UVRAG: variants seen among roughly 807,000 people sequenced by gnomAD.
UVRAG encodes UV radiation resistance-associated gene protein.
UVRAG carries 19 observed loss-of-function variants against 78.0 expected under a neutral mutation model. That is an observed-to-expected ratio of 0.24 (90% CI 0.17 to 0.36). UVRAG has a LOEUF of 0.36. Ranked by LOEUF, UVRAG falls within the 10% of genes least tolerant of loss-of-function variation. UVRAG has a pLI of 1.00. For missense variants in UVRAG, 740 were observed against 853.8 expected, an observed-to-expected ratio of 0.87 and a Z score of 1.66; for synonymous variants, 323 against 324.6, an observed-to-expected ratio of 1.00 and a Z score of 0.05.
chr11:76,008,945 G>T, intron 11 of UVRAG, 78 bp downstream of exon 11: 1 of 875,434 alleles, frequency 1.1e-6, no homozygotes, highest in Non-Finnish European at 1.7e-6. Flanking sequence ...TGGTTGCCTA[G>T]CACTTTATCC....
chr11:76,085,089 AT>A (rs1482675396), intron 13 of UVRAG, among the ~76,000 whole-genome samples: 7 of 148,242 alleles, frequency 4.7e-5, no homozygotes, highest in African/African-American at 1.3e-4. Flanking sequence ...AAAAAAAAAA[AT>A]CTAATTGTTC....
At chr11:76,020,173 G>A (rs764944716) in intron 12 of UVRAG, among the ~76,000 whole-genome samples, 1 of 152,212 alleles carries the variant, frequency 6.6e-6, no homozygotes, top group South Asian at 2.1e-4. Context: ...AGGCTCAAGG[G>A]CTCTTCAGTT....
At chr11:76,026,971 GA>G (rs879294960) in intron 12 of UVRAG, among the ~76,000 whole-genome samples, 20 of 142,652 alleles carry the variant, frequency 1.4e-4, no homozygotes, top group South Asian at 2.2e-4. Flanking sequence ...AAATCAAGGT[GA>G]AAAAAAAAAA....
intron 13 of UVRAG, among the ~76,000 whole-genome samples, chr11:76,105,628 T>C (rs1434529560): frequency 1.3e-5 from 2 of 151,886 alleles, no homozygotes; most frequent in African/African-American, 2.4e-5. Context: ...CACACGCCTG[T>C]AGTCCCAACT....
intron 12 of UVRAG, among the ~76,000 whole-genome samples, chr11:76,032,840 C>G (rs755193710): frequency 6.6e-6 from 1 of 152,140 alleles, no homozygotes; most frequent in Non-Finnish European, 1.5e-5. Context: ...TCTCACCTTG[C>G]CTCATAAGTG....
intron 2 of UVRAG, among the ~76,000 whole-genome samples, chr11:75,858,753 T>C (rs1420544689): frequency 6.6e-6 from 1 of 152,218 alleles, no homozygotes; most frequent in Non-Finnish European, 1.5e-5. Flanking sequence ...ACCAAGCCTA[T>C]GCAAACTTTT....
chr11:76,120,859 T>C (rs1281191422), intron 14 of UVRAG, among the ~76,000 whole-genome samples: 1 of 152,172 alleles, frequency 6.6e-6, no homozygotes, highest in East Asian at 1.9e-4. Flanking sequence ...GAGTTACCTC[T>C]CAAGCCTGTG....
At chr11:75,877,103 G>A (rs1025739636) in intron 3 of UVRAG, among the ~76,000 whole-genome samples, 8 of 151,508 alleles carry the variant, frequency 5.3e-5, no homozygotes, top group Non-Finnish European at 8.8e-5. Flanking sequence ...ATCTTGCACC[G>A]CCCTTAATCC....
intron 1 of UVRAG, among the ~76,000 whole-genome samples, chr11:75,842,315 C>T (rs755089773): frequency 1.3e-5 from 2 of 152,136 alleles, no homozygotes; most frequent in East Asian, 1.9e-4. Context: ...AAACTGCAGT[C>T]GGTCACAAGG....
intron 8 of UVRAG, among the ~76,000 whole-genome samples, chr11:75,992,420 A>C (rs1949625924): frequency 6.6e-6 from 1 of 152,190 alleles, no homozygotes; most frequent in Non-Finnish European, 1.5e-5. Context: ...TTTTGAGATG[A>C]GAATTACTTT....
rs116653837 is a variant in UVRAG at position 76,082,143 on chromosome 11, G to A, written c.1305+16355G>A. Among the ~76,000 whole-genome samples the A allele has an allele frequency of 8.8e-3, 1,333 of 152,224 alleles. 9 individuals carry two copies. The highest frequency in any genetic ancestry group is 0.024 in the African/African-American group (1,002 of 41,526). ...ACCAGCAGCATTGTATTTCTTGACC[G>A]AGTGGTGGTAACACAGGGGTTTGCT... On this transcript the variant is annotated intron_variant, in intron 13 of 14. Coordinates refer to ENST00000356136, the MANE Select transcript of UVRAG (RefSeq NM_003369.4).
Position 75,987,022 on chromosome 11 carries a change from G to A in UVRAG, c.826+3509G>A, listed in dbSNP as rs1196667920. ...CACTCATCAGTTGTTGGACATTTGG[G>A]TTGTTTCCGCTTTCTGTCTATCACA... On this transcript the variant is annotated intron_variant, in intron 8 of 14. Coordinates refer to ENST00000356136, the MANE Select transcript of UVRAG (RefSeq NM_003369.4). Among the ~76,000 whole-genome samples the A allele has an allele frequency of 3.3e-5, 5 of 152,276 alleles. No individual in the cohort carries two copies. In the South Asian group the frequency reaches 8.3e-4, roughly 25 times the overall value.
chr11:76,078,680 G>A (rs537851235), intron 13 of UVRAG, among the ~76,000 whole-genome samples: 1 of 145,952 alleles, frequency 6.9e-6, no homozygotes, highest in Non-Finnish European at 1.5e-5. Context: ...GAGGTGTGCG[G>A]ATCACGAGGT....
chr11:75,834,434 G>A (rs917305307), intron 1 of UVRAG, among the ~76,000 whole-genome samples: 4 of 152,134 alleles, frequency 2.6e-5, no homozygotes, highest in African/African-American at 9.7e-5. Context: ...ACCCGGTCAA[G>A]GTGTCGTCTG....
intron 13 of UVRAG, among the ~76,000 whole-genome samples, chr11:76,098,806 A>G (rs905570078): frequency 6.6e-6 from 1 of 152,182 alleles, no homozygotes; most frequent in African/African-American, 2.4e-5. Context: ...CAGTTGTCCA[A>G]AATTGTTCAT....
chr11:76,045,250 C>T (rs1950727604), intron 12 of UVRAG, among the ~76,000 whole-genome samples: 2 of 152,152 alleles, frequency 1.3e-5, no homozygotes, highest in African/African-American at 2.4e-5. Context: ...AAAACTGATC[C>T]AAGAGAAGAT....
chr11:75,886,469 TA>T (rs1235248905), intron 4 of UVRAG, among the ~76,000 whole-genome samples: 3 of 152,216 alleles, frequency 2.0e-5, no homozygotes, highest in Non-Finnish European at 4.4e-5. Context: ...CCCAGGTATA[TA>T]TGTGTAAAAA....
intron 13 of UVRAG, among the ~76,000 whole-genome samples, chr11:76,075,123 T>C (rs928667782): frequency 6.6e-6 from 1 of 152,204 alleles, no homozygotes; most frequent in African/African-American, 2.4e-5. Flanking sequence ...GAAGAAAATA[T>C]GCTTTTATTT....
At chr11:75,895,812 G>T (rs1258259332) in intron 5 of UVRAG, among the ~76,000 whole-genome samples, 1 of 152,110 alleles carries the variant, frequency 6.6e-6, no homozygotes, top group Non-Finnish European at 1.5e-5. Flanking sequence ...TAGCAATTCA[G>T]ACAAAAGAGA....
Sources: gnomAD v4.1 joint callset for allele counts (sites outside exome capture counted in the v4.1 genomes callset) on GRCh38, gnomAD v4.1.1 for gene constraint, MANE v1.5 for transcripts, NCBI Gene and HGNC (gene_info 2026-07-23, HGNC 2026-07-21) for gene names.